SLC13A1: variants seen among roughly 807,000 people sequenced by gnomAD.
SLC13A1 encodes the protein Na(+)/sulfate cotransporter.
Under a neutral mutation model 70.0 loss-of-function variants are expected in SLC13A1, and 65 were observed. The ratio of observed to expected loss-of-function variants is 0.93; its 90% CI spans 0.76 to 1.14. The LOEUF (loss-of-function observed/expected upper bound fraction) is 1.14. Ranked by LOEUF, SLC13A1 falls within the 50% of genes most tolerant of loss-of-function variation. The pLI is 0.00. For synonymous variants in SLC13A1, 275 were observed against 250.5 expected (o/e 1.10, Z -0.92); for missense variants, 726 against 717.8 (o/e 1.01, Z -0.13).
At chr7:123,161,483 T>C (rs1257006448) in intron 6 of SLC13A1, among the ~76,000 whole-genome samples, 3 of 152,138 alleles carry the variant, frequency 2.0e-5, no homozygotes, top group Non-Finnish European at 4.4e-5. Context: ...TACTCTTAAA[T>C]CCAGGAAAGT....
chr7:123,167,766 T>A (rs567366147), intron 6 of SLC13A1, among the ~76,000 whole-genome samples: 36 of 152,264 alleles, frequency 2.4e-4, no homozygotes, highest in Non-Finnish European at 5.1e-4. Flanking sequence ...GAATTCTGCA[T>A]TGATTTTTTT....
intron 7 of SLC13A1, among the ~76,000 whole-genome samples, chr7:123,146,437 A>G (rs1046152359): frequency 6.6e-6 from 1 of 152,178 alleles, no homozygotes; most frequent in African/African-American, 2.4e-5. Context: ...AGGCACGACA[A>G]TCACTTGGCA....
chr7:123,153,772 TTA>T (rs1171664191), intron 6 of SLC13A1, among the ~76,000 whole-genome samples: 2 of 152,086 alleles, frequency 1.3e-5, no homozygotes, highest in African/African-American at 4.8e-5. Flanking sequence ...AGTACTTGTG[TTA>T]TATAAGGATA....
rs78368290 is a variant in SLC13A1 at position 123,175,495 on chromosome 7, G to A, written c.229-3591C>T. Among the ~76,000 whole-genome samples the A allele has an allele frequency of 8.5e-3, 1,289 of 152,228 alleles. 20 individuals carry two copies. The highest frequency in any genetic ancestry group is 0.029 in the African/African-American group (1,195 of 41,544). ...TTGGCACCTAAAAGGAACCAAATAT[G>A]TTCACTCCAACCTCTTGAATGGAAT... is the stretch of plus-strand genomic sequence containing the variant. On this transcript the variant is annotated intron_variant, in intron 2 of 14. Coordinates refer to ENST00000194130, the MANE Select transcript of SLC13A1 (RefSeq NM_022444.4).
At chr7:123,174,548 A>G (rs1197035242) in intron 2 of SLC13A1, among the ~76,000 whole-genome samples, 1 of 152,070 alleles carries the variant, frequency 6.6e-6, no homozygotes, top group Non-Finnish European at 1.5e-5. Context: ...TACCTTGATT[A>G]AGTTCCTCAC....
At chr7:123,153,485 T>A (rs1408397324) in intron 6 of SLC13A1, among the ~76,000 whole-genome samples, 6 of 152,090 alleles carry the variant, frequency 3.9e-5, no homozygotes, top group Non-Finnish European at 8.8e-5. Context: ...TCATTATTTT[T>A]ACCGAGTGCT....
intron 6 of SLC13A1, among the ~76,000 whole-genome samples, chr7:123,162,838 T>G (rs1232670749): frequency 6.6e-6 from 1 of 152,116 alleles, no homozygotes; most frequent in East Asian, 1.9e-4. Flanking sequence ...ACCCCTAAAC[T>G]AAACAATACC....
At chr7:123,159,469 G>T (rs1334479031) in intron 6 of SLC13A1, among the ~76,000 whole-genome samples, 1 of 152,172 alleles carries the variant, frequency 6.6e-6, no homozygotes, top group East Asian at 1.9e-4. Flanking sequence ...AGAAAGAGAG[G>T]TCTCACTAGA....
intron 9 of SLC13A1, 111 bp downstream of exon 9, chr7:123,129,272 C>T: frequency 1.1e-6 from 1 of 923,594 alleles, no homozygotes; most frequent in Non-Finnish European, 1.6e-6. Context: ...CAATTATGTG[C>T]TTGTTTGCTT....
intron 7 of SLC13A1, among the ~76,000 whole-genome samples, chr7:123,138,354 A>G (rs535209208): frequency 6.6e-6 from 1 of 152,288 alleles, no homozygotes; most frequent in South Asian, 2.1e-4. Context: ...GCTATTATTA[A>G]TATACACAGC....
intron 6 of SLC13A1, chr7:123,148,402 A>G (rs764726221): frequency 4.7e-6 from 2 of 426,118 alleles, no homozygotes; most frequent in Non-Finnish European, 9.3e-6. Context: ...CCCCATAGTT[A>G]TACCTTGGAC....
In SLC13A1 at chr7:123,134,538, A is replaced by G. The variant is rs770632590; in HGVS notation, c.813-9T>C. 7 of 1,611,576 alleles carry G rather than the reference A, an allele frequency of 4.3e-6. No individual in the cohort carries two copies. The highest frequency in any genetic ancestry group is 5.9e-6 in the Non-Finnish European group (7 of 1,178,764). On this transcript the variant is annotated splice_polypyrimidine_tract_variant and intron_variant, in intron 7 of 14. Coordinates refer to ENST00000194130, the MANE Select transcript of SLC13A1 (RefSeq NM_022444.4). ...GACAGTCAGGATAGCGTCTGTGTGA[A>G]AACATGGAGACGTGTTCAGGGATGG...
intron 6 of SLC13A1, among the ~76,000 whole-genome samples, chr7:123,161,555 C>T (rs185273460): frequency 1.3e-5 from 2 of 152,018 alleles, no homozygotes; most frequent in Non-Finnish European, 2.9e-5. Flanking sequence ...CAGCTAGCTG[C>T]GATACAGAAT....
intron 1 of SLC13A1, 56 bp from the exon 2 acceptor site, chr7:123,181,157 A>G (rs998467840): frequency 1.1e-5 from 17 of 1,569,926 alleles, no homozygotes; most frequent in Middle Eastern, 1.7e-4. Context: ...AGAAGTCAAC[A>G]TTCAAACACA....
intron 14 of SLC13A1, 109 bp from the exon 15 acceptor site, chr7:123,115,764 A>G (rs775875651): frequency 1.5e-5 from 17 of 1,112,488 alleles, no homozygotes; most frequent in African/African-American, 3.2e-5. Flanking sequence ...CTAAATGATT[A>G]GTATAAATTG....
chr7:123,126,241 C>T (rs974899222), intron 10 of SLC13A1, among the ~76,000 whole-genome samples: 1 of 152,132 alleles, frequency 6.6e-6, no homozygotes, highest in Non-Finnish European at 1.5e-5. Context: ...GGAAAGCAAC[C>T]TACTTAATTT....
At chr7:123,169,110 T>C (rs926237513) in intron 4 of SLC13A1, 38 bp downstream of exon 4, 1 of 1,593,088 alleles carries the variant, frequency 6.3e-7, no homozygotes. Context: ...ATTGCTCTAA[T>C]GACTAGACCC....
At chr7:123,186,923 ATT>A (rs957313542) in intron 1 of SLC13A1, among the ~76,000 whole-genome samples, 18 of 146,266 alleles carry the variant, frequency 1.2e-4, no homozygotes, top group African/African-American at 4.2e-4. Context: ...TGACCTTACA[ATT>A]TTTTTTTTTT....
intron 1 of SLC13A1, chr7:123,190,636 G>A (rs1319770219): frequency 4.4e-6 from 2 of 456,550 alleles, no homozygotes; most frequent in South Asian, 1.5e-5. Flanking sequence ...AGAATAAGCT[G>A]TCTAAGACTC....
Sources: gnomAD v4.1 joint callset for allele counts (sites outside exome capture counted in the v4.1 genomes callset) on GRCh38, gnomAD v4.1.1 for gene constraint, MANE v1.5 for transcripts, NCBI Gene and HGNC (gene_info 2026-07-23, HGNC 2026-07-21) for gene names.